Variants in DST observed in about 807,000 individuals in gnomAD.
The protein encoded by DST is dystonin, also known as bullous pemphigoid antigen.
Under a neutral mutation model 875.2 loss-of-function variants are expected in DST, and 253 were observed. That is an observed-to-expected ratio of 0.29 (90% CI 0.26 to 0.32). The LOEUF is 0.32. Among genes scored for constraint, DST ranks in the 10% least tolerant of loss-of-function variants. The probability of loss-of-function intolerance (pLI) is 1.00; values close to 1 mark genes in which losing one functional copy is unlikely to be tolerated. For synonymous variants in DST, 3,124 were observed against 3,197.1 expected, an observed-to-expected ratio of 0.98 and a Z score of 0.77; for missense variants, 8,287 against 9,111.6, an observed-to-expected ratio of 0.91 and a Z score of 3.68.
chr6:56,738,809 G>A (rs2099535804), intron 4 of DST, among the ~76,000 whole-genome samples: 1 of 151,610 alleles, frequency 6.6e-6, no homozygotes, highest in South Asian at 2.1e-4. Context: ...TTTTTGCAGA[G>A]ATGGGGTTTC....
intron 55 of DST, among the ~76,000 whole-genome samples, chr6:56,566,828 A>G (rs148688849): frequency 3.8e-4 from 58 of 152,362 alleles, no homozygotes; most frequent in African/African-American, 1.3e-3. Flanking sequence ...TCATGGGCTT[A>G]ATGGAGGCAG....
chr6:56,778,253 T>C (rs530662020), intron 4 of DST, among the ~76,000 whole-genome samples: 1 of 151,792 alleles, frequency 6.6e-6, no homozygotes, highest in Non-Finnish European at 1.5e-5. Flanking sequence ...CAAATCAAAA[T>C]TGTCCAGGTT....
At chr6:56,526,613 A>T in intron 68 of DST, 46 bp from the exon 69 acceptor site, 1 of 1,564,986 alleles carries the variant, frequency 6.4e-7, no homozygotes, top group Non-Finnish European at 8.7e-7. Context: ...GCTTCAACAG[A>T]CTTTTCCTTT....
intron 4 of DST, among the ~76,000 whole-genome samples, chr6:56,768,343 C>G (rs2099639679): frequency 6.6e-6 from 1 of 152,074 alleles, no homozygotes. Context: ...AAAGAAAAGT[C>G]AAGTCGACCA....
chr6:56,890,559 C>T (rs552079328), intron 3 of DST, among the ~76,000 whole-genome samples: 1 of 152,184 alleles, frequency 6.6e-6, no homozygotes, highest in Non-Finnish European at 1.5e-5. Context: ...TTAGAAACAT[C>T]TAAAACAAGG....
rs746708808 is a variant in DST, at chr6:56,552,230, A to C, written c.16562T>G (p.Val5521Gly). ...AEEHEESQGP[V>G]GMETETINQQ... ...ATTAATTGTCTCCGTTTCCATACCAACAGGACCTTGTGACTCTTCATGTTC... is the reference window on the plus strand; with the variant it reads ...ATTAATTGTCTCCGTTTCCATACCACCAGGACCTTGTGACTCTTCATGTTC... Residue 5521 changes from valine to glycine, a missense_variant, in exon 61 of 104, where the codon GTT becomes GGT. Physicochemically the swap from Val to Gly is moderately radical, Grantham distance 109 (BLOSUM62 -3). Coordinates refer to ENST00000680361, the MANE Select transcript of DST (RefSeq NM_001374736.1). 1.2e-6 allele frequency: 2 copies of C among 1,613,940 alleles called. No homozygotes were observed. The highest frequency in any genetic ancestry group is 2.7e-5 in the African/African-American group (2 of 75,048).
At chr6:56,655,819 C>CCT (rs1410370195) in intron 10 of DST, among the ~76,000 whole-genome samples, 2 of 152,012 alleles carry the variant, frequency 1.3e-5, no homozygotes, top group Non-Finnish European at 2.9e-5. Context: ...GAAGTACTTT[C>CCT]CTCTGTTCCC....
Position 56,569,646 on chromosome 6 carries a change from T to G in DST, c.13878+210A>C, listed in dbSNP as rs143368044. 0.01 allele frequency among the ~76,000 whole-genome samples: 1,568 copies of G among 152,258 alleles called. 29 individuals are homozygous for G. Among genetic ancestry groups the G allele is most frequent in the African/African-American group, 0.035 (1,460 of 41,556 alleles). On this transcript the variant is annotated intron_variant, in intron 54 of 103. Transcript: ENST00000680361. ...TCAGCAACTCATTAATTCACCTTTT[T>G]TTAAAAAAGCAAATCCACTGAAAAT... is the stretch of plus-strand genomic sequence containing the variant.
At chr6:56,896,202 T>C (rs1388397790) in intron 3 of DST, among the ~76,000 whole-genome samples, 2 of 151,470 alleles carry the variant, frequency 1.3e-5, no homozygotes, top group Non-Finnish European at 2.9e-5. Flanking sequence ...GTGGCTGATA[T>C]GGTTTGGCTG....
intron 3 of DST, among the ~76,000 whole-genome samples, chr6:56,870,618 C>A (rs569403562): frequency 6.6e-6 from 1 of 152,048 alleles, no homozygotes; most frequent in South Asian, 2.1e-4. Context: ...CAAAAATTAG[C>A]CGGGCATGGT....
At chr6:56,478,463 T>C (rs1250922994) in intron 90 of DST, among the ~76,000 whole-genome samples, 1 of 152,198 alleles carries the variant, frequency 6.6e-6, no homozygotes, top group Non-Finnish European at 1.5e-5. Context: ...GCAAGCGGAA[T>C]GAACAAAGCC....
At chr6:56,712,105 A>AAAAAAAAAAAAAAAAAAAAAAAAAAT (rs1563813928) in intron 5 of DST, among the ~76,000 whole-genome samples, 3 of 150,574 alleles carry the variant, frequency 2.0e-5, no homozygotes, top group Non-Finnish European at 3.0e-5. Context: ...AAAAAAAAAA[A>AAAAAAAAAAAAAAAAAAAAAAAAAAT]ATAGGAGGAG....
chr6:56,721,154 C>G (rs551562053), intron 5 of DST, among the ~76,000 whole-genome samples: 4 of 148,876 alleles, frequency 2.7e-5, no homozygotes, highest in East Asian at 1.9e-4. Context: ...GGCGGCCCCC[C>G]CCACCTCCCA....
At chr6:56,947,403 A>G (rs1468028890) in intron 2 of DST, among the ~76,000 whole-genome samples, 1 of 152,106 alleles carries the variant, frequency 6.6e-6, no homozygotes, top group Non-Finnish European at 1.5e-5. Flanking sequence ...GGCGTGCGCC[A>G]CCACACCCAG....
At chr6:56,783,294 T>G (rs538322755) in intron 4 of DST, among the ~76,000 whole-genome samples, 10 of 152,306 alleles carry the variant, frequency 6.6e-5, no homozygotes, top group African/African-American at 1.9e-4. Context: ...ACTTTCTGTC[T>G]CATTGATCTG....
chr6:56,759,613 A>G (rs2099612613), intron 4 of DST, among the ~76,000 whole-genome samples: 1 of 152,020 alleles, frequency 6.6e-6, no homozygotes, highest in African/African-American at 2.4e-5. Context: ...ACTATCAGAG[A>G]CCTCTAATAT....
intron 9 of DST, among the ~76,000 whole-genome samples, chr6:56,686,393 A>G (rs1203007190): frequency 6.6e-6 from 1 of 152,226 alleles, no homozygotes; most frequent in Non-Finnish European, 1.5e-5. Flanking sequence ...GGATCATGCA[A>G]TATACCCATG....
At chr6:56,776,870 G>C (rs553480685) in intron 4 of DST, among the ~76,000 whole-genome samples, 152 of 152,174 alleles carry the variant, frequency 1.0e-3, no homozygotes, top group South Asian at 8.3e-3. Context: ...GAAGCAAATT[G>C]TTTAAACATC....
chr6:56,670,524 T>A, intron 10 of DST, 117 bp downstream of exon 10: 1 of 825,318 alleles, frequency 1.2e-6, no homozygotes, highest in Non-Finnish European at 1.7e-6. Flanking sequence ...TTTTTCTGTA[T>A]TTTCTAATTT....
Sources: allele counts gnomAD v4.1 joint callset (sites outside exome capture counted in the v4.1 genomes callset), GRCh38; gene constraint gnomAD v4.1.1; transcripts MANE v1.5; gene names NCBI Gene and HGNC (gene_info 2026-07-23, HGNC 2026-07-21).